The following CFAP61 variants were observed in gnomAD, a reference collection of about 807,000 sequenced individuals.
The protein encoded by CFAP61 is cilia- and flagella-associated protein 61.
Under a neutral mutation model 135.6 loss-of-function variants are expected in CFAP61, and 107 were observed. The observed-to-expected ratio is 0.79, with a 90% CI of 0.67 to 0.93. The LOEUF (loss-of-function observed/expected upper bound fraction) is 0.93, where lower values mean the gene tolerates loss of function less well. Ranked by LOEUF, CFAP61 falls within the 40% of genes least tolerant of loss-of-function variation. The pLI is 0.00. For synonymous variants in CFAP61, 575 were observed against 578.5 expected (o/e 0.99, Z 0.09); for missense variants, 1,507 against 1,556.2 (o/e 0.97, Z 0.53).
intron 14 of CFAP61, among the ~76,000 whole-genome samples, chr20:20,189,665 G>A (rs73607403): frequency 0.079 from 11,957 of 152,210 alleles, 1,238 homozygotes; most frequent in East Asian, 0.55. Flanking sequence ...AAACAAAATA[G>A]CGATGCCACT....
chr20:20,069,003 A>G (rs962648822), intron 2 of CFAP61, among the ~76,000 whole-genome samples: 4 of 152,194 alleles, frequency 2.6e-5, no homozygotes, highest in African/African-American at 9.7e-5. Context: ...TTGGCCTTCC[A>G]AAGTGCTGGG....
chr20:20,272,830 CCTT>C lies in CFAP61; in HGVS notation c.2504-4332_2504-4330del, dbSNP rs1258599824. Among the ~76,000 whole-genome samples, 4 of 152,250 alleles carry C rather than the reference CCTT, an allele frequency of 2.6e-5. No homozygotes were observed. The East Asian group carries it at 7.7e-4, about 29-fold the overall frequency. ...TCCATTTCCTTCCTTCCCCATATCT[CCTT>C]CTTGATTCAGCCCAAAATTGACTTA... On this transcript the variant is annotated intron_variant, in intron 21 of 26. Coordinates refer to ENST00000245957, the MANE Select transcript of CFAP61 (RefSeq NM_015585.4).
At chr20:20,119,763 G>A (rs980119750) in intron 8 of CFAP61, among the ~76,000 whole-genome samples, 2 of 152,162 alleles carry the variant, frequency 1.3e-5, no homozygotes, top group African/African-American at 4.8e-5. Context: ...GTACCCATGA[G>A]TTATTTTTCC....
chr20:20,321,658 C>G (rs1215195654), intron 25 of CFAP61, among the ~76,000 whole-genome samples: 1 of 152,206 alleles, frequency 6.6e-6, no homozygotes, highest in Non-Finnish European at 1.5e-5. Context: ...GCTTCCCCCA[C>G]AGCTCCCATG....
rs201943121 is a variant in CFAP61 at position 20,136,379 on chromosome 20, CT to C, written c.860-6475del. Among the ~76,000 whole-genome samples, 349 of 152,142 alleles carry C rather than the reference CT, an allele frequency of 2.3e-3. 3 individuals carry two copies. The highest frequency in any genetic ancestry group is 8.1e-3 in the African/African-American group (336 of 41,520). The stretch of plus-strand genomic sequence containing the variant: ...AGGGCAATAACTCTTAGATTTTTCC[CT>C]TTGAGGCTATTTTCTAGACCCTGTA... On this transcript the variant is annotated intron_variant, in intron 8 of 26. Coordinates refer to ENST00000245957, the MANE Select transcript of CFAP61 (RefSeq NM_015585.4).
chr20:20,327,976 A>G (rs889916768), intron 25 of CFAP61, among the ~76,000 whole-genome samples: 1 of 152,060 alleles, frequency 6.6e-6, no homozygotes, highest in Non-Finnish European at 1.5e-5. Context: ...TTGGGCGTCA[A>G]CACCCCTTGC....
At chr20:20,290,635 CTG>C (rs1181460552) in intron 24 of CFAP61, among the ~76,000 whole-genome samples, 1 of 152,222 alleles carries the variant, frequency 6.6e-6, no homozygotes, top group East Asian at 1.9e-4. Context: ...GGGGAAATGA[CTG>C]TGTGACTTCC....
chr20:20,305,580 C>T (rs1418391947), intron 25 of CFAP61, among the ~76,000 whole-genome samples: 1 of 152,188 alleles, frequency 6.6e-6, no homozygotes, highest in East Asian at 1.9e-4. Context: ...CGCCTCATCC[C>T]TCACACGCTT....
chr20:20,163,980 AGC>A, intron 10 of CFAP61, 68 bp from the exon 11 acceptor site: 2 of 1,294,578 alleles, frequency 1.5e-6, no homozygotes. Context: ...GAGATAATGC[AGC>A]CACCAGCCCA....
At chr20:20,254,304 T>C (rs990189296) in intron 20 of CFAP61, among the ~76,000 whole-genome samples, 5 of 151,446 alleles carry the variant, frequency 3.3e-5, no homozygotes, top group African/African-American at 1.2e-4. Flanking sequence ...TCCTCTGACT[T>C]GTTAAAACAT....
At chr20:20,079,015 T>C (rs1481003166) in intron 6 of CFAP61, among the ~76,000 whole-genome samples, 1 of 152,196 alleles carries the variant, frequency 6.6e-6, no homozygotes, top group Non-Finnish European at 1.5e-5. Context: ...CCAACTACTT[T>C]AGGAACACAA....
At chr20:20,310,307 A>G (rs774334255) in intron 25 of CFAP61, among the ~76,000 whole-genome samples, 16 of 152,188 alleles carry the variant, frequency 1.1e-4, no homozygotes, top group Non-Finnish European at 2.2e-4. Context: ...TTTGGAACCT[A>G]CTGCAGCTTT....
chr20:20,271,116 A>T (rs973064470), intron 21 of CFAP61, among the ~76,000 whole-genome samples: 1 of 151,950 alleles, frequency 6.6e-6, no homozygotes, highest in South Asian at 2.1e-4. Context: ...ACATAGCAAG[A>T]CCCCATCTCT....
chr20:20,330,670 G>A (rs542164614), intron 25 of CFAP61, among the ~76,000 whole-genome samples: 28 of 152,240 alleles, frequency 1.8e-4, no homozygotes, highest in African/African-American at 5.5e-4. Flanking sequence ...CTCAGAAGCC[G>A]CTGGTGGCTC....
At chr20:20,201,507 C>T (rs1484587413) in intron 17 of CFAP61, among the ~76,000 whole-genome samples, 1 of 152,176 alleles carries the variant, frequency 6.6e-6, no homozygotes, top group Non-Finnish European at 1.5e-5. Context: ...ACGTGCCTAG[C>T]CCACCTGGAA....
Position 20,274,387 on chromosome 20 carries a change from G to T in CFAP61, c.2504-2779G>T, listed in dbSNP as rs185348425. Among the ~76,000 whole-genome samples, 248 of 152,346 alleles carry T rather than the reference G, an allele frequency of 1.6e-3. 1 individual carries two copies. Among genetic ancestry groups the T allele is most frequent in the African/African-American group, 5.8e-3 (241 of 41,576 alleles). On this transcript the variant is annotated intron_variant, in intron 21 of 26. Coordinates refer to ENST00000245957, the MANE Select transcript of CFAP61 (RefSeq NM_015585.4). ...TTAAAGGCAAGAAATTGGGCCAGAT[G>T]CAGAGGCTCACGTCTATAATCCCAG...
intron 24 of CFAP61, among the ~76,000 whole-genome samples, chr20:20,296,133 T>C (rs1032339713): frequency 4.3e-5 from 1 of 23,102 alleles, no homozygotes; most frequent in Admixed American, 5.4e-4. Context: ...CTTCCTTCCT[T>C]CCTCCCTCCC....
chr20:20,231,006 T>G (rs570951923), intron 18 of CFAP61, among the ~76,000 whole-genome samples: 1 of 152,344 alleles, frequency 6.6e-6, no homozygotes, highest in African/African-American at 2.4e-5. Context: ...ACTTTGTTCT[T>G]GTATTATTTC....
chr20:20,122,730 G>A (rs1445565071), intron 8 of CFAP61, among the ~76,000 whole-genome samples: 1 of 152,170 alleles, frequency 6.6e-6, no homozygotes, highest in Non-Finnish European at 1.5e-5. Context: ...AAACATGTAT[G>A]TCCAAGTGTC....
Sources: gnomAD v4.1 joint callset for allele counts (sites outside exome capture counted in the v4.1 genomes callset) on GRCh38, gnomAD v4.1.1 for gene constraint, MANE v1.5 for transcripts, NCBI Gene and HGNC (gene_info 2026-07-23, HGNC 2026-07-21) for gene names.